Variants in UBASH3A observed in about 807,000 individuals in gnomAD.
The protein encoded by UBASH3A is ubiquitin associated and SH3 domain containing A, also known as ubiquitin-associated and SH3 domain-containing protein A.
In UBASH3A, 63 loss-of-function variants were observed where a neutral mutation model predicts 73.5. The ratio of observed to expected loss-of-function variants is 0.86; its 90% CI spans 0.70 to 1.06. The LOEUF (loss-of-function observed/expected upper bound fraction) is 1.06, where lower values mean the gene tolerates loss of function less well. UBASH3A is among the 50% of genes least tolerant of loss of function. UBASH3A has a pLI of 0.00. For synonymous variants in UBASH3A, 363 were observed against 351.1 expected (o/e 1.03, Z -0.38); for missense variants, 860 against 859.0 (o/e 1.00, Z -0.02).
chr21:42,440,329 G>T (rs138135974), intron 11 of UBASH3A, among the ~76,000 whole-genome samples: 204 of 152,362 alleles, frequency 1.3e-3, no homozygotes, highest in African/African-American at 4.5e-3. Flanking sequence ...CAGTGTGAGG[G>T]TGGCTCTTAA....
intron 11 of UBASH3A, among the ~76,000 whole-genome samples, chr21:42,438,042 C>T (rs1002964338): frequency 2.0e-5 from 3 of 152,206 alleles, no homozygotes; most frequent in Admixed American, 6.5e-5. Flanking sequence ...TTCTGCAGCT[C>T]CCATCTACGG....
chr21:42,419,753 GT>G (rs1161784844), intron 7 of UBASH3A, among the ~76,000 whole-genome samples: 1 of 152,324 alleles, frequency 6.6e-6, no homozygotes, highest in East Asian at 1.9e-4. Context: ...AGTGATATGG[GT>G]TCAATAGAAA....
Position 42,447,426 on chromosome 21 carries a change from T to A in UBASH3A, c.*232T>A. On this transcript the variant is annotated 3_prime_UTR_variant, in exon 15 of 15. Coordinates refer to ENST00000319294, the MANE Select transcript of UBASH3A (RefSeq NM_018961.4). ...CTGCGGGGAGCACAGGGCAGGTGGCTGGGTGAGGATGCCGCCCTGCAGCAT... is the reference window on the plus strand; with the variant it reads ...CTGCGGGGAGCACAGGGCAGGTGGCAGGGTGAGGATGCCGCCCTGCAGCAT... 1 of 467,970 alleles carries A rather than the reference T, an allele frequency of 2.1e-6. No individual in the cohort carries two copies. The highest frequency in any genetic ancestry group is 3.0e-5 in the South Asian group (1 of 33,440). The allele number at this position is 467,970 out of a possible 1,614,324, so 29.0% of individuals were successfully genotyped here.
intron 5 of UBASH3A, among the ~76,000 whole-genome samples, chr21:42,414,157 G>A (rs1245352393): frequency 6.6e-6 from 1 of 152,152 alleles, no homozygotes; most frequent in African/African-American, 2.4e-5. Context: ...AAAATCTGAC[G>A]AGGCCGCAGT....
In UBASH3A at chr21:42,413,170, C is replaced by T. The variant is rs1164012889; in HGVS notation, c.501C>T (p.Asp167=). The change falls in exon 4 of 15, where the codon GAC becomes GAT. Residue 167 remains aspartate, a synonymous_variant. Transcript: ENST00000319294. This position sits in a 1 kb window ranked among gnomAD's most constrained non-coding sequence, Gnocchi z 4.5. ...TCTTCGTCAGTGGCAGCCCCGCAGACGTCATCCGGGAATTCGCCATGACCT... is the reference window on the plus strand; with the variant it reads ...TCTTCGTCAGTGGCAGCCCCGCAGATGTCATCCGGGAATTCGCCATGACCT... ...LGFFVSGSPA[D]VIREFAMTFA... The T allele has an allele frequency of 4.3e-6, 7 of 1,614,110 alleles. No homozygotes were observed. The highest frequency in any genetic ancestry group is 2.7e-5 in the African/African-American group (2 of 74,930).
intron 14 of UBASH3A, among the ~76,000 whole-genome samples, chr21:42,445,134 GACAA>G (rs1485448450): frequency 1.3e-5 from 2 of 152,206 alleles, no homozygotes; most frequent in African/African-American, 4.8e-5. Context: ...CCTTGTGAAT[GACAA>G]ACAGAGGATA....
In UBASH3A at chr21:42,434,851, C is replaced by A. The variant is rs192881696; in HGVS notation, c.1290C>A (p.Asp430Glu). 3.1e-6 allele frequency: 5 copies of A among 1,614,074 alleles called. No individual in the cohort carries two copies. Among genetic ancestry groups the A allele is most frequent in the Admixed American group, 3.3e-5 (2 of 60,006 alleles). ...STPDGKYYRPDLNFPCSLPRR... is the reference protein window; with the variant it reads ...STPDGKYYRPELNFPCSLPRR... ...CTTCAGGGAAATACTACAGGCCAGACCTGAATTTCCCCTGCAGTCTGCCAA... is the reference window on the plus strand; with the variant it reads ...CTTCAGGGAAATACTACAGGCCAGAACTGAATTTCCCCTGCAGTCTGCCAA... The change falls in exon 10 of 15, where the codon GAC becomes GAA. Residue 430 changes from aspartate (D) to glutamate (E), a missense_variant. By Grantham distance (45) the Asp-to-Glu change is conservative (BLOSUM62 2). Coordinates refer to ENST00000319294, the MANE Select transcript of UBASH3A (RefSeq NM_018961.4).
chr21:42,414,659 G>A (rs2053166454), intron 5 of UBASH3A, among the ~76,000 whole-genome samples: 1 of 152,194 alleles, frequency 6.6e-6, no homozygotes, highest in African/African-American at 2.4e-5. Context: ...TGTGCCGACT[G>A]AGGCAGAGAC....
chr21:42,432,346 AC>A lies in UBASH3A; in HGVS notation c.1270+145del, dbSNP rs1026983078. On this transcript the variant is annotated intron_variant, in intron 9 of 14. Coordinates refer to ENST00000319294, the MANE Select transcript of UBASH3A (RefSeq NM_018961.4). ...CATGTGTAGACTGTATGTGTGGAAAACGTGCCTGCTACATCTTCCTCCAGGG... is the reference window on the plus strand; with the variant it reads ...CATGTGTAGACTGTATGTGTGGAAAAGTGCCTGCTACATCTTCCTCCAGGG... 1.2e-4 allele frequency: 67 copies of A among 540,700 alleles called. No individual in the cohort carries two copies. The African/African-American group carries it at 1.4e-3, about 11-fold the overall frequency. The allele number at this position is 540,700 out of a possible 1,614,324, so 33.5% of individuals were successfully genotyped here. A position where few individuals can be genotyped will look rare whatever the true frequency, so the allele number is the denominator to read the frequency against.
chr21:42,422,421 C>T (rs983794637), intron 7 of UBASH3A, among the ~76,000 whole-genome samples: 3 of 152,280 alleles, frequency 2.0e-5, no homozygotes, highest in South Asian at 4.2e-4. Context: ...TTCTCCAATA[C>T]CCCCTGGATA....
chr21:42,439,559 G>A (rs1034651228), intron 11 of UBASH3A, among the ~76,000 whole-genome samples: 1 of 152,072 alleles, frequency 6.6e-6, no homozygotes, highest in African/African-American at 2.4e-5. Flanking sequence ...AGTGTAGCCG[G>A]AGGCCAGAGG....
chr21:42,412,568 G>A (rs1372184336), intron 3 of UBASH3A, among the ~76,000 whole-genome samples: 1 of 152,192 alleles, frequency 6.6e-6, no homozygotes, highest in Non-Finnish European at 1.5e-5. Context: ...TGGAAGAGAG[G>A]GTGGCCCCGC....
At chr21:42,426,928 A>C in intron 8 of UBASH3A, 108 bp downstream of exon 8, 1 of 1,386,694 alleles carries the variant, frequency 7.2e-7, no homozygotes, top group East Asian at 2.4e-5. Flanking sequence ...TTCCATAGAC[A>C]CATCCTCCCT....
chr21:42,415,259 C>T (rs1242504189), intron 5 of UBASH3A, among the ~76,000 whole-genome samples: 1 of 152,230 alleles, frequency 6.6e-6, no homozygotes, highest in Non-Finnish European at 1.5e-5. Flanking sequence ...CCAGGCCACA[C>T]TCACTCGCAT....
At chr21:42,444,233 T>C (rs1286195120) in intron 13 of UBASH3A, among the ~76,000 whole-genome samples, 2 of 152,150 alleles carry the variant, frequency 1.3e-5, no homozygotes, top group African/African-American at 2.4e-5. Flanking sequence ...CAGCCACCGC[T>C]ACATCCCAGT....
intron 7 of UBASH3A, among the ~76,000 whole-genome samples, chr21:42,421,345 T>A (rs2053334569): frequency 6.6e-6 from 1 of 152,188 alleles, no homozygotes; most frequent in Non-Finnish European, 1.5e-5. Flanking sequence ...TCCTGGCACC[T>A]TCAGAGCTGT....
At position 42,443,330 on chromosome 21, in the gene UBASH3A, C is replaced by T. The variant is rs139471906; in HGVS notation, c.1650C>T (p.Ser550=). ...CTTCCAGGCCCGCGTTTCCCCTGTC[C>T]GCCCTCATGCCGGCCGAGAGCTACC... ...DTDYRPAFPL[S]ALMPAESYQE... The change falls in exon 13 of 15, where the codon TCC becomes TCT. Residue 550 remains serine, a synonymous_variant. Transcript: ENST00000319294. 1.9e-5 allele frequency: 31 copies of T among 1,613,264 alleles called. No homozygotes were observed. Among genetic ancestry groups the T allele is most frequent in the South Asian group, 4.4e-5 (4 of 90,896 alleles).
chr21:42,427,017 C>T (rs1228265261), intron 8 of UBASH3A, among the ~76,000 whole-genome samples, 197 bp downstream of exon 8: 1 of 152,180 alleles, frequency 6.6e-6, no homozygotes, highest in African/African-American at 2.4e-5. Flanking sequence ...CTGCTCTGGG[C>T]AGACAGGGAG....
chr21:42,447,485 G>T lies in UBASH3A; in HGVS notation c.*291G>T, dbSNP rs2053863805. ...AGTGTCTGCAGCTGGGGACACAACT[G>T]CCCGGGACTCTAACTTCCAGGAATT... On this transcript the variant is annotated 3_prime_UTR_variant, in exon 15 of 15. Transcript: ENST00000319294. The T allele has an allele frequency of 1.0e-5, 3 of 292,332 alleles. No homozygotes were observed. The highest frequency in any genetic ancestry group is 1.3e-4 in the East Asian group (2 of 15,124). The allele number at this position is 292,332 out of a possible 1,614,324, so 18.1% of individuals were successfully genotyped here. A position where few individuals can be genotyped will look rare whatever the true frequency, so the allele number is the denominator to read the frequency against.
Sources: allele counts gnomAD v4.1 joint callset (sites outside exome capture counted in the v4.1 genomes callset), GRCh38; gene constraint gnomAD v4.1.1; non-coding constraint Gnocchi (gnomAD v3.1); transcripts MANE v1.5; gene names NCBI Gene and HGNC (gene_info 2026-07-23, HGNC 2026-07-21).